CNTNAP1: variants seen among roughly 807,000 people sequenced by gnomAD.
CNTNAP1 encodes the protein contactin-associated protein 1.
CNTNAP1 carries 80 observed loss-of-function variants against 161.5 expected under a neutral mutation model. That is an observed-to-expected ratio of 0.50 (90% CI 0.41 to 0.60). The LOEUF (loss-of-function observed/expected upper bound fraction) is 0.60, where lower values mean the gene tolerates loss of function less well. Ranked by LOEUF, CNTNAP1 falls within the 20% of genes least tolerant of loss-of-function variation. CNTNAP1 has a pLI of 0.00. For synonymous variants in CNTNAP1, 695 were observed against 733.1 expected, an observed-to-expected ratio of 0.95 and a Z score of 0.84; for missense variants, 1,464 against 1,854.8, an observed-to-expected ratio of 0.79 and a Z score of 3.87.
chr17:42,699,188 T>A lies in CNTNAP1; in HGVS notation c.*278T>A, dbSNP rs1044438368. The A allele has an allele frequency of 5.4e-6, 2 of 373,252 alleles. No homozygotes were observed. Among genetic ancestry groups the A allele is most frequent in the East Asian group, 4.4e-5 (1 of 22,880 alleles). 23.1% of individuals were successfully genotyped at this position (373,252 alleles called of 1,614,324 possible). A position where few individuals can be genotyped will look rare whatever the true frequency, so the allele number is the denominator to read the frequency against. ...AAGGAGAAGCCTCATGGGGTTGACA[T>A]AGGTCCTTTCTGCCATCTCTGTTCC... On this transcript the variant is annotated 3_prime_UTR_variant, in exon 24 of 24. Coordinates refer to ENST00000264638, the MANE Select transcript of CNTNAP1 (RefSeq NM_003632.3).
chr17:42,685,261 C>T lies in CNTNAP1; in HGVS notation c.556C>T (p.Arg186Cys). The T allele has an allele frequency of 1.9e-6, 3 of 1,613,822 alleles. No individual in the cohort carries two copies. The highest frequency in any genetic ancestry group is 1.7e-5 in the Admixed American group (1 of 60,036). The change falls in exon 5 of 24, where the codon CGC (arginine) becomes TGC (cysteine). Residue 186 changes from arginine to cysteine, a missense_variant. Coordinates refer to ENST00000264638, the MANE Select transcript of CNTNAP1 (RefSeq NM_003632.3). This position sits in a 1 kb window ranked among gnomAD's most constrained non-coding sequence, Gnocchi z 5.0. ...YFDGDDAISY[R>C]FPRGVSRSLW... is the part of the protein sequence containing the mutation. ...CGACGGCGACGATGCCATCTCCTAC[C>T]GCTTCCCGCGAGGGGTCAGCCGAAG...
intron 1 of CNTNAP1, chr17:42,683,199 A>G (rs1597802443): frequency 3.8e-6 from 2 of 532,588 alleles, no homozygotes; most frequent in South Asian, 2.4e-5. Flanking sequence ...ATAAGTGTAT[A>G]CTGGTGACCG....
chr17:42,685,907 C>A lies in CNTNAP1; in HGVS notation c.716-50C>A. ...CTGCTCTGCCTAGGAGCTTGGACTC[C>A]ATGGAGTTCTCCTGGCTTGAGGTTT... is the stretch of plus-strand genomic sequence containing the variant. On this transcript the variant is annotated intron_variant, in intron 5 of 23. Transcript: ENST00000264638. The surrounding 1 kb of genome is among the most constrained non-coding windows in gnomAD (Gnocchi z 5.0). 1 of 1,597,398 alleles carries A rather than the reference C, an allele frequency of 6.3e-7. No individual in the cohort carries two copies. Among genetic ancestry groups the A allele is most frequent in the South Asian group, 1.1e-5 (1 of 90,324 alleles).
chr17:42,697,495 G>A (rs1346148863), intron 21 of CNTNAP1, 59 bp from the exon 22 acceptor site: 1 of 1,610,524 alleles, frequency 6.2e-7, no homozygotes, highest in Non-Finnish European at 8.5e-7. Flanking sequence ...CCTGTGGACA[G>A]TGAGAGTGGC....
At position 42,693,278 on chromosome 17, in the gene CNTNAP1, T is replaced by A. The variant is rs1217273503; in HGVS notation, c.2753-19T>A. 1.9e-6 allele frequency: 3 copies of A among 1,612,444 alleles called. No homozygotes were observed. Among genetic ancestry groups the A allele is most frequent in the African/African-American group, 2.7e-5 (2 of 74,904 alleles). On this transcript the variant is annotated intron_variant, in intron 17 of 23. Coordinates refer to ENST00000264638, the MANE Select transcript of CNTNAP1 (RefSeq NM_003632.3). ...CTGGCCCTGCCTCCATTTCTTGACC[T>A]GTTGCCTACCCTTCCCAGGATCTGC...
chr17:42,698,507 T>C (rs112558151), intron 23 of CNTNAP1, 111 bp from the exon 24 acceptor site: 6 of 855,220 alleles, frequency 7.0e-6, no homozygotes, highest in East Asian at 5.1e-5. Context: ...AGTGTGTGTA[T>C]GTATACAGGT....
chr17:42,697,412 T>C (rs1398108136), intron 21 of CNTNAP1, 45 bp downstream of exon 21: 1 of 1,608,408 alleles, frequency 6.2e-7, no homozygotes, highest in South Asian at 1.1e-5. Context: ...AGCTGTGGCA[T>C]ATGTTCCTGG....
In CNTNAP1 at chr17:42,685,205, T is replaced by C. The variant is rs747572457; in HGVS notation, c.512-12T>C. ...TCCCCAGTTCCCGGCCCACCTACGG[T>C]CCTTTGCGCAGAGGCCGACATACTC... On this transcript the variant is annotated splice_polypyrimidine_tract_variant and intron_variant, in intron 4 of 23. Coordinates refer to ENST00000264638, the MANE Select transcript of CNTNAP1 (RefSeq NM_003632.3). This position sits in a 1 kb window ranked among gnomAD's most constrained non-coding sequence, Gnocchi z 5.0. The C allele has an allele frequency of 6.2e-7, 1 of 1,613,212 alleles. No homozygotes were observed. Among genetic ancestry groups the C allele is most frequent in the Non-Finnish European group, 8.5e-7 (1 of 1,179,842 alleles).
rs2053141015 is a variant in CNTNAP1 at position 42,695,581 on chromosome 17, G to A, written c.3053G>A (p.Arg1018His). ...WMRYNLQSAL[R>H]SAAREFSHML... The stretch of plus-strand genomic sequence containing the variant: ...CGCTATAACCTACAGTCAGCGCTGC[G>A]CTCTGCAGCCAGGGAGTTCTCCCAC... Residue 1018 changes from arginine (R) to histidine (H), a missense_variant, in exon 19 of 24, where the codon CGC becomes CAC. Physicochemically the swap from Arg to His is conservative, Grantham distance 29 (BLOSUM62 0). Coordinates refer to ENST00000264638, the MANE Select transcript of CNTNAP1 (RefSeq NM_003632.3). The A allele has an allele frequency of 6.2e-7, 1 of 1,614,108 alleles. No individual in the cohort carries two copies. Among genetic ancestry groups the A allele is most frequent in the Non-Finnish European group, 8.5e-7 (1 of 1,179,998 alleles).
At position 42,691,778 on chromosome 17, in the gene CNTNAP1, C is replaced by T. The variant is rs1220164079; in HGVS notation, c.2345-28C>T. ...CTCCTCCACCCTCCAATCTCCCTGA[C>T]AAGACCTTCCTCCATCTGCTTTTCT... On this transcript the variant is annotated intron_variant, in intron 15 of 23. Transcript: ENST00000264638. This position sits in a 1 kb window ranked among gnomAD's most constrained non-coding sequence, Gnocchi z 4.3. The T allele has an allele frequency of 6.2e-7, 1 of 1,611,564 alleles. No homozygotes were observed. The highest frequency in any genetic ancestry group is 8.5e-7 in the Non-Finnish European group (1 of 1,178,004).
intron 6 of CNTNAP1, 112 bp from the exon 7 acceptor site, chr17:42,686,791 A>T: frequency 7.8e-7 from 1 of 1,278,140 alleles, no homozygotes; most frequent in Non-Finnish European, 1.1e-6. Flanking sequence ...TGTGTGTTTT[A>T]AGTCTTTTAC....
At chr17:42,696,577 C>T (rs1257446134) in intron 20 of CNTNAP1, among the ~76,000 whole-genome samples, 1 of 152,190 alleles carries the variant, frequency 6.6e-6, no homozygotes, top group Non-Finnish European at 1.5e-5. Flanking sequence ...CCTACCTCAG[C>T]CTCCCAAAGT....
In CNTNAP1 at chr17:42,685,778, A is replaced by G. The variant is rs1007321268; in HGVS notation, c.716-179A>G. 1.3e-5 allele frequency among the ~76,000 whole-genome samples: 2 copies of G among 152,210 alleles called. No individual in the cohort carries two copies. The highest frequency in any genetic ancestry group is 1.3e-4 in the Admixed American group (2 of 15,290). Reference sequence around the variant, plus strand: ...GCAGCTCATGTGTTCCCAGTTTTACAGACAGGAAGCCAGGCTAAATGGCTT... The same window carrying G: ...GCAGCTCATGTGTTCCCAGTTTTACGGACAGGAAGCCAGGCTAAATGGCTT... On this transcript the variant is annotated intron_variant, in intron 5 of 23. Transcript: ENST00000264638. The surrounding 1 kb of genome is among the most constrained non-coding windows in gnomAD (Gnocchi z 5.0).
At position 42,697,542 on chromosome 17, in the gene CNTNAP1, C is replaced by T. The variant is rs1383651277; in HGVS notation, c.3569-12C>T. On this transcript the variant is annotated splice_polypyrimidine_tract_variant and intron_variant, in intron 21 of 23. Transcript: ENST00000264638. ...GTCCAAGTCCCTCTTTCTGGGCCTG[C>T]CTCTCTCTCAGAGACAGGAGTCATT... The T allele has an allele frequency of 3.1e-6, 5 of 1,613,430 alleles. No homozygotes were observed. Among genetic ancestry groups the T allele is most frequent in the African/African-American group, 1.3e-5 (1 of 74,826 alleles).
intron 11 of CNTNAP1, 49 bp downstream of exon 11, chr17:42,689,676 G>A (rs755627489): frequency 4.8e-6 from 7 of 1,464,630 alleles, no homozygotes; most frequent in Non-Finnish European, 6.7e-6. Flanking sequence ...GAGGTCAATA[G>A]AAGGTTGCTG....
Position 42,691,523 on chromosome 17 carries a change from TC to T in CNTNAP1, c.2344+16del, listed in dbSNP as rs1482334214. 5 of 1,613,626 alleles carry T rather than the reference TC, an allele frequency of 3.1e-6. No homozygotes were observed. The South Asian group carries it at 5.5e-5, about 18-fold the overall frequency. On this transcript the variant is annotated intron_variant, in intron 15 of 23. Transcript: ENST00000264638. This position sits in a 1 kb window ranked among gnomAD's most constrained non-coding sequence, Gnocchi z 4.3. ...CTGCTATGGCGATCGTGAGTGGCAGTCCCCTTTTGTGTGCCCTCCCAGAGCT... is the reference window on the plus strand; with the variant it reads ...CTGCTATGGCGATCGTGAGTGGCAGTCCCTTTTGTGTGCCCTCCCAGAGCT...
chr17:42,691,579 A>G lies in CNTNAP1; in HGVS notation c.2344+68A>G. On this transcript the variant is annotated intron_variant, in intron 15 of 23. Transcript: ENST00000264638. This position sits in a 1 kb window ranked among gnomAD's most constrained non-coding sequence, Gnocchi z 4.3. The stretch of plus-strand genomic sequence containing the variant: ...CTCCAGTTTCCAAAATCTAGGCCGC[A>G]TGTCACTGGTGGTCTCTAGCTGGGG... 6.3e-7 allele frequency: 1 copy of G among 1,596,300 alleles called. No homozygotes were observed. Among genetic ancestry groups the G allele is most frequent in the Non-Finnish European group, 8.5e-7 (1 of 1,171,588 alleles).
chr17:42,698,445 A>ATGTGTGTGTGTGTGTGTGTGTG (rs71276881), intron 23 of CNTNAP1, among the ~76,000 whole-genome samples, 173 bp from the exon 24 acceptor site: 3 of 139,482 alleles, frequency 2.2e-5, no homozygotes, highest in African/African-American at 5.3e-5. Context: ...CCAAAAGTAA[A>ATGTGTGTGTGTGTGTGTGTGTG]TGTGTGTGTG....
Position 42,696,071 on chromosome 17 carries a change from C to T in CNTNAP1, c.3393C>T (p.Tyr1131=). 1 of 1,614,178 alleles carries T rather than the reference C, an allele frequency of 6.2e-7. No individual in the cohort carries two copies. The highest frequency in any genetic ancestry group is 8.5e-7 in the Non-Finnish European group (1 of 1,180,034). Residue 1131 remains tyrosine, a synonymous_variant, in exon 20 of 24, where the codon TAC becomes TAT. Transcript: ENST00000264638. Reference sequence around the variant, plus strand: ...AGCTGGGCACCAGTCCCTACGTGTACCAGCTAACCACTCGACCAGTGACCG... The same window carrying T: ...AGCTGGGCACCAGTCCCTACGTGTATCAGCTAACCACTCGACCAGTGACCG... ...RYQLGTSPYV[Y]QLTTRPVTDG...
Sources: gnomAD v4.1 joint callset for allele counts (sites outside exome capture counted in the v4.1 genomes callset) on GRCh38, gnomAD v4.1.1 for gene constraint, Gnocchi (gnomAD v3.1) non-coding constraint, MANE v1.5 for transcripts, NCBI Gene and HGNC (gene_info 2026-07-23, HGNC 2026-07-21) for gene names.